The following CPLX2 variants were observed in gnomAD, a reference collection of about 807,000 sequenced individuals.
CPLX2 encodes complexin-2.
A neutral mutation model predicts 16.3 loss-of-function variants in CPLX2; 5 were observed. The ratio of observed to expected loss-of-function variants is 0.31; its 90% CI spans 0.16 to 0.64. The LOEUF is 0.64. Ranked by LOEUF, CPLX2 falls within the 30% of genes least tolerant of loss-of-function variation. CPLX2 has a pLI of 0.79. For synonymous variants in CPLX2, 89 were observed against 73.2 expected (o/e 1.22, Z -1.10); for missense variants, 144 against 181.4 (o/e 0.79, Z 1.18).
At chr5:175,837,001 C>A (rs1384900662) in intron 2 of CPLX2, among the ~76,000 whole-genome samples, 4 of 152,260 alleles carry the variant, frequency 2.6e-5, no homozygotes, top group African/African-American at 9.6e-5. Context: ...AAGAAAACCT[C>A]TCTAGAAGAA....
chr5:175,869,156 G>A (rs927173029), upstream of CPLX2, among the ~76,000 whole-genome samples: 4 of 152,144 alleles, frequency 2.6e-5, no homozygotes, highest in South Asian at 6.2e-4. Context: ...TCATCTCTTC[G>A]TCACCTTTAA....
At position 175,879,967 on chromosome 5, in the gene CPLX2, G is replaced by A. The variant is rs750831279; in HGVS notation, c.327G>A (p.Glu109=). Residue 109 remains glutamate (E), a synonymous_variant, in exon 4 of 4, where the codon GAG becomes GAA. Transcript: ENST00000393745. ...KAIPAGCGDE[E]EEEEESILDT... is the part of the protein sequence containing the mutation. ...TCCCTGCGGGCTGCGGGGACGAGGA[G>A]GAGGAGGAAGAGGAGAGCATCCTGG... The A allele has an allele frequency of 1.2e-6, 2 of 1,614,106 alleles. No individual in the cohort carries two copies.
intron 2 of CPLX2, among the ~76,000 whole-genome samples, chr5:175,835,127 C>G (rs1758804604): frequency 6.6e-6 from 1 of 152,190 alleles, no homozygotes; most frequent in South Asian, 2.1e-4. Context: ...TTATCTTAAA[C>G]AGATTGCAAA....
Position 175,878,334 on chromosome 5 carries a change from G to A in CPLX2, c.-88-318G>A, listed in dbSNP as rs532693616. 2.8e-5 allele frequency: 6 copies of A among 214,464 alleles called. No individual in the cohort carries two copies. In the East Asian group the frequency reaches 6.9e-4, roughly 25 times the overall value. 13.3% of individuals were successfully genotyped at this position (214,464 alleles called of 1,614,324 possible). A position where few individuals can be genotyped will look rare whatever the true frequency, so the allele number is the denominator to read the frequency against. The stretch of plus-strand genomic sequence containing the variant: ...AAATAAGGAAATGACGGTGGCGTTG[G>A]AAACCAGATCTGCCTGACTCCAAGT... On this transcript the variant is annotated intron_variant, in intron 1 of 3. Transcript: ENST00000393745.
At position 175,834,212 on chromosome 5, in the gene CPLX2, A is replaced by G. The variant is rs113752766; in HGVS notation, c.-89+25144A>G. 4.9e-3 allele frequency among the ~76,000 whole-genome samples: 751 copies of G among 152,338 alleles called. 8 individuals carry two copies. Among genetic ancestry groups the G allele is most frequent in the African/African-American group, 0.017 (715 of 41,574 alleles). ...ATGTCCACAAATGTAAAATGGGGTA[A>G]TGACACCAACTGCACAGAATTACTG... On this transcript the variant is annotated intron_variant, in intron 2 of 4. Transcript: ENST00000359546.
upstream of CPLX2, among the ~76,000 whole-genome samples, chr5:175,868,864 G>A (rs1444638716): frequency 6.6e-6 from 1 of 152,220 alleles, no homozygotes; most frequent in East Asian, 1.9e-4. Context: ...TGTCAGGCAA[G>A]CCTGGTCTGG....
At chr5:175,820,615 T>A (rs1422607885) in intron 2 of CPLX2, among the ~76,000 whole-genome samples, 1 of 152,042 alleles carries the variant, frequency 6.6e-6, no homozygotes, top group Non-Finnish European at 1.5e-5. Flanking sequence ...GGAGCTGTGG[T>A]TAGTAAAGTG....
intron 2 of CPLX2, among the ~76,000 whole-genome samples, chr5:175,851,690 G>A (rs1759158883): frequency 6.6e-6 from 1 of 152,246 alleles, no homozygotes; most frequent in African/African-American, 2.4e-5. Flanking sequence ...ACCAAGGTAG[G>A]CTTCTTTGTG....
intron 1 of CPLX2, chr5:175,805,422 G>A (rs1380465490): frequency 6.6e-6 from 1 of 152,240 alleles, no homozygotes; most frequent in Non-Finnish European, 1.5e-5. Flanking sequence ...TTAGACTGCA[G>A]AGATCCCTTT....
At position 175,872,559 on chromosome 5, in the gene CPLX2, C is replaced by G. The variant is rs1759653945; in HGVS notation, c.-89+854C>G. Reference sequence around the variant, plus strand: ...GGTCCGGGAGAGGGGCGCCGGGGTTCCTGTCCTCTCTTCTGGCCGGGAAAC... The same window carrying G: ...GGTCCGGGAGAGGGGCGCCGGGGTTGCTGTCCTCTCTTCTGGCCGGGAAAC... On this transcript the variant is annotated intron_variant, in intron 1 of 3. Coordinates refer to ENST00000393745, the MANE Select transcript of CPLX2 (RefSeq NM_001008220.2). The surrounding 1 kb of genome is among the most constrained non-coding windows in gnomAD (Gnocchi z 5.0). Among the ~76,000 whole-genome samples, 1 of 152,054 alleles carries G rather than the reference C, an allele frequency of 6.6e-6. No individual in the cohort carries two copies. Among genetic ancestry groups the G allele is most frequent in the Non-Finnish European group, 1.5e-5 (1 of 67,976 alleles).
chr5:175,854,882 C>T (rs1759223805), intron 2 of CPLX2, among the ~76,000 whole-genome samples: 1 of 152,176 alleles, frequency 6.6e-6, no homozygotes, highest in African/African-American at 2.4e-5. Flanking sequence ...CAGGTACCCG[C>T]CATGGGCCAG....
At chr5:175,853,244 G>A (rs1018694972) in intron 2 of CPLX2, among the ~76,000 whole-genome samples, 7 of 152,346 alleles carry the variant, frequency 4.6e-5, no homozygotes, top group East Asian at 1.9e-4. Context: ...GTTTGGAGAC[G>A]TGGCAAATAC....
intron 2 of CPLX2, among the ~76,000 whole-genome samples, chr5:175,831,653 C>T (rs775802939): frequency 3.9e-5 from 6 of 152,196 alleles, no homozygotes; most frequent in Non-Finnish European, 7.3e-5. Context: ...GCCCTGGTCC[C>T]GCAGATATCC....
At chr5:175,867,065 AC>A (rs1174162026), upstream of CPLX2, among the ~76,000 whole-genome samples, 1 of 152,094 alleles carries the variant, frequency 6.6e-6, no homozygotes, top group Non-Finnish European at 1.5e-5. Flanking sequence ...ACAGAGCAAG[AC>A]CCTGTATCTA....
intron 2 of CPLX2, among the ~76,000 whole-genome samples, chr5:175,846,583 A>G (rs1759048080): frequency 1.3e-5 from 2 of 152,262 alleles, no homozygotes; most frequent in South Asian, 4.2e-4. Context: ...ATACCACAGC[A>G]AATCCATGAC....
intron 2 of CPLX2, among the ~76,000 whole-genome samples, chr5:175,811,856 C>T (rs1301699053): frequency 6.6e-6 from 1 of 152,230 alleles, no homozygotes; most frequent in African/African-American, 2.4e-5. Flanking sequence ...TCTTTAAAAT[C>T]TATTGGAACT....
chr5:175,863,712 G>T (rs528200205), intron 2 of CPLX2, among the ~76,000 whole-genome samples: 1 of 152,272 alleles, frequency 6.6e-6, no homozygotes, highest in South Asian at 2.1e-4. Flanking sequence ...ACAACTGGAG[G>T]TTGAGTGGCC....
intron 2 of CPLX2, among the ~76,000 whole-genome samples, chr5:175,838,555 GC>G (rs1389663615): frequency 3.3e-5 from 5 of 152,120 alleles, no homozygotes; most frequent in African/African-American, 1.2e-4. Context: ...ACCGCGCCCG[GC>G]CCCCCTTCTG....
intron 2 of CPLX2, among the ~76,000 whole-genome samples, chr5:175,858,860 G>C (rs111512670): frequency 3.7e-4 from 57 of 152,318 alleles, no homozygotes; most frequent in Admixed American, 3.5e-3. Flanking sequence ...GGTCTATGTG[G>C]GGCAGCCTCC....
Sources: allele counts gnomAD v4.1 joint callset (sites outside exome capture counted in the v4.1 genomes callset), GRCh38; gene constraint gnomAD v4.1.1; non-coding constraint Gnocchi (gnomAD v3.1); transcripts MANE v1.5; gene names NCBI Gene and HGNC (gene_info 2026-07-23, HGNC 2026-07-21).